The following SLC25A26 variants were observed in gnomAD, a reference collection of about 807,000 sequenced individuals.
SLC25A26 encodes the protein solute carrier family 25 member 26.
In SLC25A26, 36 loss-of-function variants were observed where a neutral mutation model predicts 37.8. The observed-to-expected ratio is 0.95, with a 90% CI of 0.73 to 1.26. The LOEUF (loss-of-function observed/expected upper bound fraction) is 1.26, where lower values mean the gene tolerates loss of function less well. Ranked by LOEUF, SLC25A26 falls within the 50% of genes most tolerant of loss-of-function variation. SLC25A26 has a pLI of 0.00. For synonymous variants in SLC25A26, 129 were observed against 122.5 expected (o/e 1.05, Z -0.35); for missense variants, 390 against 331.1 (o/e 1.18, Z -1.38).
At chr3:66,227,725 C>T (rs569399739) in intron 1 of SLC25A26, among the ~76,000 whole-genome samples, 7 of 152,168 alleles carry the variant, frequency 4.6e-5, no homozygotes, top group Middle Eastern at 3.4e-3. Flanking sequence ...ATCTGGGGAG[C>T]TTTTTCGTGA....
intron 1 of SLC25A26, among the ~76,000 whole-genome samples, chr3:66,233,086 C>A (rs1331709916): frequency 2.6e-5 from 4 of 152,202 alleles, no homozygotes; most frequent in Non-Finnish European, 5.9e-5. Context: ...CCAGTGGCCT[C>A]TATTAATTTT....
intron 5 of SLC25A26, among the ~76,000 whole-genome samples, chr3:66,306,431 T>C (rs938962378): frequency 2.0e-5 from 3 of 152,244 alleles, no homozygotes; most frequent in African/African-American, 7.2e-5. Flanking sequence ...AAGTGTCTTT[T>C]CATGTCCTTT....
intron 5 of SLC25A26, among the ~76,000 whole-genome samples, chr3:66,338,737 G>A (rs2076144752): frequency 1.3e-5 from 2 of 151,776 alleles, no homozygotes; most frequent in Admixed American, 1.3e-4. Flanking sequence ...AGCTTCTAAC[G>A]CAGTTCCCAC....
intron 5 of SLC25A26, among the ~76,000 whole-genome samples, chr3:66,290,760 T>C (rs1224179783): frequency 2.0e-5 from 3 of 152,220 alleles, no homozygotes; most frequent in South Asian, 2.1e-4. Context: ...ATCGGGGTTA[T>C]TGGCCTGAAA....
At position 66,324,908 on chromosome 3, in the gene SLC25A26, G is replaced by A. The variant is rs992656519; in HGVS notation, c.454-21456G>A. ...TAGTTGGGGGCCTACAAATTATAGC[G>A]ACAAAAGACAGAGTAGCAAGAGAAA... On this transcript the variant is annotated intron_variant, in intron 5 of 9. Transcript: ENST00000354883. Among the ~76,000 whole-genome samples, 5 of 151,686 alleles carry A rather than the reference G, an allele frequency of 3.3e-5. No homozygotes were observed. In the East Asian group the frequency reaches 7.7e-4, roughly 23 times the overall value.
At chr3:66,176,271 G>GA (rs1253226146) in intron 1 of SLC25A26, among the ~76,000 whole-genome samples, 4 of 152,156 alleles carry the variant, frequency 2.6e-5, no homozygotes, top group African/African-American at 9.6e-5. Flanking sequence ...AGTTCTTTAA[G>GA]AAAAAAATAT....
intron 1 of SLC25A26, among the ~76,000 whole-genome samples, chr3:66,162,371 G>C (rs528547344): frequency 6.7e-6 from 1 of 148,428 alleles, no homozygotes; most frequent in African/African-American, 2.5e-5. Context: ...GTGGTTGGGC[G>C]GGGGAGGGGG....
intron 1 of SLC25A26, among the ~76,000 whole-genome samples, chr3:66,170,416 C>T (rs1250802479): frequency 1.3e-5 from 2 of 152,176 alleles, no homozygotes; most frequent in Non-Finnish European, 2.9e-5. Context: ...ATGCACAGGA[C>T]ACTAATGCTC....
Position 66,338,554 on chromosome 3 carries a change from A to G in SLC25A26, c.454-7810A>G, listed in dbSNP as rs532154755. Among the ~76,000 whole-genome samples the G allele has an allele frequency of 8.0e-4, 122 of 152,154 alleles. No individual in the cohort carries two copies. In the Middle Eastern group the frequency reaches 0.014, roughly 17 times the overall value. Reference sequence around the variant, plus strand: ...TAAAATTGCCACTACCATAATCATAATATTTGCCATTTTAAACATTTAAAG... The same window carrying G: ...TAAAATTGCCACTACCATAATCATAGTATTTGCCATTTTAAACATTTAAAG... On this transcript the variant is annotated intron_variant, in intron 5 of 9. Transcript: ENST00000354883.
intron 3 of SLC25A26, among the ~76,000 whole-genome samples, chr3:66,261,264 A>C (rs1229825055): frequency 1.3e-5 from 2 of 152,208 alleles, no homozygotes; most frequent in Non-Finnish European, 2.9e-5. Flanking sequence ...ATTTTTACAC[A>C]TCTCCCTCCC....
intron 5 of SLC25A26, chr3:66,324,048 T>C (rs2075768469): frequency 6.6e-6 from 1 of 152,136 alleles, no homozygotes; most frequent in Non-Finnish European, 1.5e-5. Flanking sequence ...CTGGCCCAGG[T>C]TGGAAACAGA....
intron 1 of SLC25A26, among the ~76,000 whole-genome samples, chr3:66,230,805 C>CA (rs74185176): frequency 0.59 from 31,649 of 53,614 alleles, 8,600 homozygotes; most frequent in Non-Finnish European, 0.67. Context: ...AACTCTGTCT[C>CA]AAAAAAAAAA....
chr3:66,356,217 ACACTTG>A (rs1255702510), intron 6 of SLC25A26: 17 of 380,106 alleles, frequency 4.5e-5, no homozygotes, highest in Non-Finnish European at 8.7e-5. Context: ...TAAATAGAAG[ACACTTG>A]GTCTGGGGTT....
chr3:66,199,620 C>T (rs1010819677), intron 1 of SLC25A26, among the ~76,000 whole-genome samples: 25 of 152,186 alleles, frequency 1.6e-4, no homozygotes, highest in Middle Eastern at 3.4e-3. Context: ...GATACTGATC[C>T]TGAATCTGTA....
At position 66,357,290 on chromosome 3, in the gene SLC25A26, C is replaced by CAT. The variant is rs565946008; in HGVS notation, c.499-5568_499-5567dup. Among the ~76,000 whole-genome samples the CAT allele has an allele frequency of 9.9e-5, 15 of 152,260 alleles. No homozygotes were observed. In the South Asian group the frequency reaches 3.1e-3, roughly 32 times the overall value. On this transcript the variant is annotated intron_variant, in intron 6 of 9. Transcript: ENST00000354883. ...TTAGCCGGGCATGATGGCCCTTGCC[C>CAT]ATAGTCCCAGTTACTCAGGAGGCTG...
Position 66,177,463 on chromosome 3 carries a change from A to C in SLC25A26, c.-353-43279A>C, listed in dbSNP as rs1288206873. 3.9e-5 allele frequency among the ~76,000 whole-genome samples: 6 copies of C among 152,310 alleles called. No individual in the cohort carries two copies. In the East Asian group the frequency reaches 1.2e-3, roughly 29 times the overall value. On this transcript the variant is annotated intron_variant, in intron 1 of 10. Transcript: ENST00000676754. ...AAGTTTTCATCAGCAACAACCCACA[A>C]CACTTCCTAGTTTCTCCCACTCACC...
intron 2 of SLC25A26, among the ~76,000 whole-genome samples, chr3:66,240,345 A>G (rs2107079559): frequency 6.6e-6 from 1 of 152,300 alleles, no homozygotes; most frequent in East Asian, 1.9e-4. Flanking sequence ...ACTGGAGTGC[A>G]GTGGCATGAC....
At chr3:66,333,299 C>A (rs2076020187) in intron 5 of SLC25A26, among the ~76,000 whole-genome samples, 1 of 152,138 alleles carries the variant, frequency 6.6e-6, no homozygotes, top group Non-Finnish European at 1.5e-5. Context: ...CTTATTAGAT[C>A]TGTCCTCCAA....
chr3:66,173,254 TCA>T (rs200139173), intron 1 of SLC25A26, among the ~76,000 whole-genome samples: 1,572 of 152,288 alleles, frequency 0.01, 12 homozygotes, highest in Non-Finnish European at 0.015. Context: ...ATTGGAAGAT[TCA>T]GATTTGCCAT....
Sources: gnomAD v4.1 joint callset for allele counts (sites outside exome capture counted in the v4.1 genomes callset) on GRCh38, gnomAD v4.1.1 for gene constraint, MANE v1.5 for transcripts, NCBI Gene and HGNC (gene_info 2026-07-23, HGNC 2026-07-21) for gene names.